CPS1: variants seen among roughly 807,000 people sequenced by gnomAD.
CPS1 encodes the protein carbamoyl-phosphate synthase 1, also known as carbamoyl-phosphate synthase [ammonia], mitochondrial.
CPS1 carries 109 observed loss-of-function variants against 174.6 expected under a neutral mutation model. The ratio of observed to expected loss-of-function variants is 0.62; its 90% confidence interval spans 0.53 to 0.73. The LOEUF (loss-of-function observed/expected upper bound fraction) is 0.73. Among genes scored for constraint, CPS1 ranks in the 30% least tolerant of loss-of-function variants. CPS1 has a pLI of 0.00. For missense variants in CPS1, 1,689 were observed against 1,821.9 expected, an observed-to-expected ratio of 0.93 and a Z score of 1.33; for synonymous variants, 637 against 632.0, an observed-to-expected ratio of 1.01 and a Z score of -0.12.
intron 1 of CPS1, among the ~76,000 whole-genome samples, chr2:210,503,147 A>C (rs569147314): frequency 1.3e-5 from 2 of 152,276 alleles, no homozygotes; most frequent in South Asian, 4.1e-4. Flanking sequence ...GAAGCTCTAG[A>C]GATTCCACTG....
At chr2:210,577,220 C>T (rs1044834803) in intron 3 of CPS1, 10 of 594,406 alleles carry the variant, frequency 1.7e-5, no homozygotes, top group Non-Finnish European at 2.7e-5. Flanking sequence ...GGTAAGCCTG[C>T]TCCCTCTCAG....
intron 1 of CPS1, among the ~76,000 whole-genome samples, chr2:210,509,616 G>A (rs1173891957): frequency 1.3e-5 from 2 of 152,184 alleles, no homozygotes; most frequent in African/African-American, 2.4e-5. Context: ...TGATGTGATA[G>A]TATATCTAGA....
In CPS1 at chr2:210,625,548, A is replaced by G. The variant is rs141680790; in HGVS notation, c.2687+9007A>G. Among the ~76,000 whole-genome samples, 114 of 152,206 alleles carry G rather than the reference A, an allele frequency of 7.5e-4. 3 individuals carry two copies. In the East Asian group the frequency reaches 0.014, roughly 18 times the overall value. On this transcript the variant is annotated intron_variant, in intron 21 of 37. Transcript: ENST00000233072. ...TTTAAGTAAATTCTCCTTACTCCAT[A>G]TTGGAGCCAGGTTTTGAGTTCAGAA... is the stretch of plus-strand genomic sequence containing the variant.
At position 210,570,181 on chromosome 2, in the gene CPS1, G is replaced by A. The variant is rs186821737; in HGVS notation, c.127-3117G>A. ...AGAGTACTTTAGGCAGTAAACAGAG[G>A]CTTTGTAACAATATAATGTGTAGTG... On this transcript the variant is annotated intron_variant, in intron 1 of 37. Coordinates refer to ENST00000233072, the MANE Select transcript of CPS1 (RefSeq NM_001875.5). 2.0e-4 allele frequency among the ~76,000 whole-genome samples: 31 copies of A among 151,996 alleles called. No homozygotes were observed. In the East Asian group the frequency reaches 5.6e-3, roughly 27 times the overall value.
intron 17 of CPS1, among the ~76,000 whole-genome samples, chr2:210,605,850 A>G (rs900440141): frequency 4.6e-5 from 7 of 151,950 alleles, no homozygotes; most frequent in African/African-American, 1.7e-4. Flanking sequence ...ATTCAAGGAC[A>G]TAGGTATAGA....
upstream of CPS1, chr2:210,556,513 A>G: frequency 4.4e-6 from 6 of 1,379,280 alleles, no homozygotes; most frequent in East Asian, 5.2e-5. Context: ...CCCATGGAAC[A>G]TCTCTGGACA....
chr2:210,666,356 T>A (rs1701096564), intron 33 of CPS1, among the ~76,000 whole-genome samples: 1 of 151,048 alleles, frequency 6.6e-6, no homozygotes, highest in African/African-American at 2.4e-5. Context: ...CAATTTTGGC[T>A]TTTGTTGCCA....
intron 1 of CPS1, among the ~76,000 whole-genome samples, chr2:210,533,092 G>A (rs1696156944): frequency 6.6e-6 from 1 of 152,068 alleles, no homozygotes; most frequent in Admixed American, 6.6e-5. Flanking sequence ...AGATTTTCTT[G>A]GAGAGTAGTG....
At chr2:210,621,014 T>C (rs1699504981) in intron 21 of CPS1, among the ~76,000 whole-genome samples, 1 of 152,112 alleles carries the variant, frequency 6.6e-6, no homozygotes. Flanking sequence ...ATATCTATTC[T>C]TACCAGCTTA....
intron 21 of CPS1, among the ~76,000 whole-genome samples, chr2:210,627,460 G>C (rs1209127732): frequency 2.0e-5 from 3 of 152,244 alleles, no homozygotes; most frequent in East Asian, 1.9e-4. Context: ...AAAATAGGCT[G>C]CCAGAGCTAT....
At chr2:210,647,804 T>G (rs1392187325) in intron 25 of CPS1, 59 bp from the exon 26 acceptor site, 3 of 1,526,500 alleles carry the variant, frequency 2.0e-6, no homozygotes, top group Non-Finnish European at 2.7e-6. Flanking sequence ...AATATTAGCA[T>G]AGTTGTCCAT....
At chr2:210,529,198 C>G (rs532112202) in intron 1 of CPS1, among the ~76,000 whole-genome samples, 2 of 151,818 alleles carry the variant, frequency 1.3e-5, no homozygotes, top group African/African-American at 4.8e-5. Flanking sequence ...ACATAGGAAC[C>G]AAGCCTTAAT....
intron 1 of CPS1, among the ~76,000 whole-genome samples, chr2:210,491,085 G>A (rs1369771228): frequency 6.6e-6 from 1 of 152,088 alleles, no homozygotes; most frequent in African/African-American, 2.4e-5. Context: ...GCAATTAGTA[G>A]GTTTGTAAAC....
intron 20 of CPS1, 129 bp downstream of exon 20, chr2:210,612,422 T>A: frequency 1.2e-6 from 1 of 865,254 alleles, no homozygotes; most frequent in South Asian, 1.4e-5. Flanking sequence ...TTAATTCTTT[T>A]ATAGTATTAA....
intron 29 of CPS1, 100 bp from the exon 30 acceptor site, chr2:210,656,425 G>C (rs1700707463): frequency 5.0e-6 from 4 of 795,908 alleles, no homozygotes; most frequent in Non-Finnish European, 8.9e-6. Flanking sequence ...TTAGTGCTCA[G>C]TGCATCTGTT....
chr2:210,593,727 T>C, intron 11 of CPS1: 1 of 857,934 alleles, frequency 1.2e-6, no homozygotes, highest in Non-Finnish European at 1.4e-6. Context: ...TGCTCTACTC[T>C]CTCATGTCTG....
At chr2:210,489,520 A>T (rs1694816593) in intron 1 of CPS1, among the ~76,000 whole-genome samples, 1 of 152,170 alleles carries the variant, frequency 6.6e-6, no homozygotes, top group South Asian at 2.1e-4. Context: ...ATATGTAAGT[A>T]GGAAGGAAAG....
At chr2:210,595,388 A>G (rs1698450571) in intron 12 of CPS1, 99 bp from the exon 13 acceptor site, 2 of 857,564 alleles carry the variant, frequency 2.3e-6, no homozygotes, top group Admixed American at 1.7e-5. Context: ...AGATGACCAC[A>G]TAAACTCAGA....
At chr2:210,506,400 A>C (rs1276260174) in intron 1 of CPS1, among the ~76,000 whole-genome samples, 1 of 152,180 alleles carries the variant, frequency 6.6e-6, no homozygotes, top group Non-Finnish European at 1.5e-5. Flanking sequence ...CCATCATCAA[A>C]GACCAAAGGT....
Sources: gnomAD v4.1 joint callset for allele counts (sites outside exome capture counted in the v4.1 genomes callset) on GRCh38, gnomAD v4.1.1 for gene constraint, MANE v1.5 for transcripts, NCBI Gene and HGNC (gene_info 2026-07-23, HGNC 2026-07-21) for gene names.